Variants in GABRA3 observed in about 807,000 individuals in gnomAD.
The protein encoded by GABRA3 is gamma-aminobutyric acid type A receptor subunit alpha3.
A neutral mutation model predicts 30.1 loss-of-function variants in GABRA3; 10 were observed. The observed-to-expected ratio is 0.33, with a 90% CI of 0.20 to 0.56. GABRA3 has a LOEUF of 0.56. Among genes scored for constraint, GABRA3 ranks in the 20% least tolerant of loss-of-function variants. The probability of loss-of-function intolerance (pLI) is 0.89; values close to 1 mark genes in which losing one functional copy is unlikely to be tolerated. For synonymous variants in GABRA3, 151 were observed against 146.8 expected (o/e 1.03, Z -0.21); for missense variants, 233 against 392.0 (o/e 0.59, Z 3.42).
At chrX:152,439,856 G>A (rs544935143) in intron 1 of GABRA3, among the ~76,000 whole-genome samples, 4 of 112,073 alleles carry the variant, frequency 3.6e-5, no homozygotes, top group South Asian at 3.7e-4. Flanking sequence ...TTCCATTGAT[G>A]TGATAGCATA....
intron 1 of GABRA3, among the ~76,000 whole-genome samples, chrX:152,422,775 A>G (rs1212983708): frequency 9.0e-6 from 1 of 110,963 alleles, no homozygotes; most frequent in East Asian, 2.9e-4. Context: ...CAACGGTAGG[A>G]ATGAACTTAA....
intron 3 of GABRA3, among the ~76,000 whole-genome samples, chrX:152,316,602 T>G (rs1293080255): frequency 8.9e-6 from 1 of 111,790 alleles, no homozygotes; most frequent in Non-Finnish European, 1.9e-5. Flanking sequence ...TTAAGAGCTG[T>G]GAGGCAAAAG....
Position 152,281,911 on chromosome X carries a change from C to T in GABRA3, c.330+2757G>A, listed in dbSNP as rs911730924. Among the ~76,000 whole-genome samples the T allele has an allele frequency of 1.9e-4, 21 of 112,103 alleles. No individual in the cohort carries two copies. The Admixed American group carries it at 2.0e-3, about 11-fold the overall frequency. ...GGAGGAAGACAGTCATTATTTTTCC[C>T]TCAGATTTGATTTGTTCCTTCTCAT... On this transcript the variant is annotated intron_variant, in intron 4 of 9. Coordinates refer to ENST00000370314, the MANE Select transcript of GABRA3 (RefSeq NM_000808.4).
At chrX:152,208,227 A>T in intron 6 of GABRA3, 83 bp from the exon 7 acceptor site, 1 of 1,013,591 alleles carries the variant, frequency 9.9e-7, no homozygotes, top group Non-Finnish European at 1.4e-6. Flanking sequence ...ATGAGATCGA[A>T]ATAAAACTTC....
intron 4 of GABRA3, among the ~76,000 whole-genome samples, chrX:152,277,700 C>A (rs190381527): frequency 1.8e-5 from 2 of 112,052 alleles, no homozygotes; most frequent in East Asian, 5.6e-4. Flanking sequence ...CAAATGAATT[C>A]TGTTGTTTTG....
At position 152,440,134 on chromosome X, in the gene GABRA3, G is replaced by A. The variant is rs184653296; in HGVS notation, c.-27+11012C>T. Among the ~76,000 whole-genome samples the A allele has an allele frequency of 7.6e-3, 843 of 111,484 alleles. 11 individuals are homozygous for A. The highest frequency in any genetic ancestry group is 0.025 in the African/African-American group (770 of 30,687). ...TTTGCAATCTATCCAACTGACAAAG[G>A]GCTAATATCCAGAATCTACAAAGAA... On this transcript the variant is annotated intron_variant, in intron 1 of 9. Coordinates refer to ENST00000370314, the MANE Select transcript of GABRA3 (RefSeq NM_000808.4).
intron 5 of GABRA3, 81 bp from the exon 6 acceptor site, chrX:152,224,926 T>C (rs1937910450): frequency 1.5e-6 from 1 of 648,694 alleles, no homozygotes. Flanking sequence ...ACTCAGTTCC[T>C]AAGAATAACG....
intron 1 of GABRA3, among the ~76,000 whole-genome samples, chrX:152,446,091 T>C (rs897035314): frequency 8.9e-6 from 1 of 111,849 alleles, no homozygotes; most frequent in Non-Finnish European, 1.9e-5. Context: ...TGAAGCACAG[T>C]CATCTGCCAA....
intron 3 of GABRA3, among the ~76,000 whole-genome samples, chrX:152,325,376 T>C (rs1015608471): frequency 9.0e-6 from 1 of 111,593 alleles, no homozygotes; most frequent in African/African-American, 3.3e-5. Context: ...GTTTGAGATC[T>C]GAGAACGGAC....
In GABRA3 at chrX:152,256,013, A is replaced by G; in HGVS notation, c.331-15T>C. 1 of 1,137,278 alleles carries G rather than the reference A, an allele frequency of 8.8e-7. No homozygotes were observed. The highest frequency in any genetic ancestry group is 1.2e-6 in the Non-Finnish European group (1 of 837,801). The allele number at this position is 1,137,278 out of a possible 1,213,427, so 93.7% of individuals were successfully genotyped here. A position where few individuals can be genotyped will look rare whatever the true frequency, so the allele number is the denominator to read the frequency against. ...ATAGTGTACTCCTAGGGGTGAAAAGAGAGAAAACAATGTTTCAGTTGAGTT... is the reference window on the plus strand; with the variant it reads ...ATAGTGTACTCCTAGGGGTGAAAAGGGAGAAAACAATGTTTCAGTTGAGTT... On this transcript the variant is annotated splice_polypyrimidine_tract_variant and intron_variant, in intron 4 of 9. Coordinates refer to ENST00000370314, the MANE Select transcript of GABRA3 (RefSeq NM_000808.4).
intron 5 of GABRA3, among the ~76,000 whole-genome samples, chrX:152,225,731 G>A (rs1259040929): frequency 9.3e-6 from 1 of 107,630 alleles, no homozygotes; most frequent in Non-Finnish European, 1.9e-5. Context: ...TTAGATAGTA[G>A]CCTCCTATGT....
At chrX:152,291,244 T>C (rs891187717) in intron 3 of GABRA3, among the ~76,000 whole-genome samples, 2 of 111,763 alleles carry the variant, frequency 1.8e-5, no homozygotes. Context: ...TCTTGTAAGT[T>C]GGATTCCTAG....
rs1203541265 is a variant in GABRA3 at position 152,441,652 on chromosome X, T to C, written c.-27+9494A>G. Among the ~76,000 whole-genome samples, 5 of 111,434 alleles carry C rather than the reference T, an allele frequency of 4.5e-5. No individual in the cohort carries two copies. The East Asian group carries it at 1.1e-3, about 25-fold the overall frequency. ...GTAAAACAACACAAGTGTAGACAAA[T>C]AGATTAATGAAACACAATAGAGAGC... On this transcript the variant is annotated intron_variant, in intron 1 of 9. Transcript: ENST00000370314.
chrX:152,328,481 C>A (rs1940104797), intron 3 of GABRA3, among the ~76,000 whole-genome samples: 1 of 111,783 alleles, frequency 8.9e-6, no homozygotes, highest in Admixed American at 9.5e-5. Context: ...TCCAGCAGCA[C>A]ATCAAAAAGA....
chrX:152,398,303 T>C (rs1929712641), intron 1 of GABRA3, among the ~76,000 whole-genome samples: 1 of 103,808 alleles, frequency 9.6e-6, no homozygotes, highest in African/African-American at 3.5e-5. Flanking sequence ...GTTCTGTTCC[T>C]AAGGGCCAGG....
At chrX:152,289,665 C>G (rs1338819095) in intron 3 of GABRA3, among the ~76,000 whole-genome samples, 1 of 110,621 alleles carries the variant, frequency 9.0e-6, no homozygotes, top group South Asian at 3.9e-4. Flanking sequence ...ATCCCTCCCC[C>G]TGCCCCCCAC....
At chrX:152,375,766 AAT>A (rs1928979033) in intron 1 of GABRA3, among the ~76,000 whole-genome samples, 1 of 112,070 alleles carries the variant, frequency 8.9e-6, no homozygotes, top group African/African-American at 3.2e-5. Context: ...ATAATCCTTC[AAT>A]TTGTCATAAA....
chrX:152,443,532 T>G (rs1270971274), intron 1 of GABRA3, among the ~76,000 whole-genome samples: 1 of 111,810 alleles, frequency 8.9e-6, no homozygotes, highest in Non-Finnish European at 1.9e-5. Context: ...TCAGACCTTA[T>G]TGTAGGTTCT....
chrX:152,302,948 A>G (rs1355143447), intron 3 of GABRA3, among the ~76,000 whole-genome samples: 2 of 111,817 alleles, frequency 1.8e-5, no homozygotes. Flanking sequence ...CGTGGTGTAT[A>G]TGTACCACAT....
Sources: gnomAD v4.1 joint callset for allele counts (sites outside exome capture counted in the v4.1 genomes callset) on GRCh38, gnomAD v4.1.1 for gene constraint, MANE v1.5 for transcripts, NCBI Gene and HGNC (gene_info 2026-07-23, HGNC 2026-07-21) for gene names.